Variants in ARMC2 observed in about 807,000 individuals in gnomAD.
ARMC2 encodes the protein armadillo repeat-containing protein 2.
ARMC2 carries 67 observed loss-of-function variants against 90.3 expected under a neutral mutation model. The observed-to-expected ratio is 0.74, with a 90% CI of 0.61 to 0.91. The LOEUF (loss-of-function observed/expected upper bound fraction) is 0.91, where lower values mean the gene tolerates loss of function less well. ARMC2 is among the 40% of genes least tolerant of loss of function. ARMC2 has a pLI of 0.00. For synonymous variants in ARMC2, 393 were observed against 393.0 expected, an observed-to-expected ratio of 1.00 and a Z score of 0.00; for missense variants, 920 against 1,030.9, an observed-to-expected ratio of 0.89 and a Z score of 1.47.
At chr6:108,916,694 G>A (rs1234879793) in intron 10 of ARMC2, among the ~76,000 whole-genome samples, 1 of 152,176 alleles carries the variant, frequency 6.6e-6, no homozygotes, top group Non-Finnish European at 1.5e-5. Flanking sequence ...GATGGAAAGA[G>A]GGACTTGTCA....
intron 5 of ARMC2, 52 bp from the exon 6 acceptor site, chr6:108,894,415 A>G (rs901997850): frequency 6.7e-7 from 1 of 1,495,850 alleles, no homozygotes; most frequent in African/African-American, 1.4e-5. Flanking sequence ...GTCATTTACA[A>G]AATTAGAAGT....
chr6:108,983,297 CT>C, the ARMC2 span, among the ~76,000 whole-genome samples: 1 of 152,130 alleles, frequency 6.6e-6, no homozygotes, highest in Non-Finnish European at 1.5e-5. Flanking sequence ...TTCCAATGGT[CT>C]TTTTTTCTTT....
At position 108,869,097 on chromosome 6, in the gene ARMC2, T is replaced by C. The variant is rs1582962919; in HGVS notation, c.463+102T>C. 7 of 1,276,082 alleles carry C rather than the reference T, an allele frequency of 5.5e-6. No homozygotes were observed. The East Asian group carries it at 1.7e-4, about 32-fold the overall frequency. The allele number at this position is 1,276,082 out of a possible 1,614,324, so 79.0% of individuals were successfully genotyped here. ...TGATTTTTCCTAACCCTGGATGATT[T>C]TTATATTAACTAAGATTAGTTAATA... is the stretch of plus-strand genomic sequence containing the variant. On this transcript the variant is annotated intron_variant, in intron 4 of 17. Coordinates refer to ENST00000392644, the MANE Select transcript of ARMC2 (RefSeq NM_032131.6).
Position 108,854,237 on chromosome 6 carries a change from A to G in ARMC2, c.-31A>G, listed in dbSNP as rs757553381. On this transcript the variant is annotated 5_prime_UTR_variant, in exon 2 of 18. Coordinates refer to ENST00000392644, the MANE Select transcript of ARMC2 (RefSeq NM_032131.6). ...CATGTATTTGCAGGGTGTGGTGTCT[A>G]TCTGAAGAATATTTTACTTTCAAAG... 1 of 1,519,656 alleles carries G rather than the reference A, an allele frequency of 6.6e-7. No individual in the cohort carries two copies. Among genetic ancestry groups the G allele is most frequent in the Non-Finnish European group, 9.0e-7 (1 of 1,114,936 alleles). The allele number at this position is 1,519,656 out of a possible 1,614,324, so 94.1% of individuals were successfully genotyped here.
chr6:108,964,697 C>G (rs1375432464), intron 16 of ARMC2, among the ~76,000 whole-genome samples: 1 of 151,924 alleles, frequency 6.6e-6, no homozygotes, highest in Non-Finnish European at 1.5e-5. Flanking sequence ...TCGCTTGAAT[C>G]CGGGATACAG....
chr6:108,991,076 C>A, the ARMC2 span, among the ~76,000 whole-genome samples: 1,270 of 125,464 alleles, frequency 0.01, 29 homozygotes, highest in African/African-American at 0.025. Context: ...CAAAAAAAAA[C>A]AACAACAAAA....
the ARMC2 span, among the ~76,000 whole-genome samples, chr6:109,010,073 CGTAAAAGCTAT>C: frequency 1.3e-5 from 2 of 152,156 alleles, no homozygotes; most frequent in Non-Finnish European, 2.9e-5. Flanking sequence ...TGCTAAGCTA[CGTAAAAGCTAT>C]AAATATCACT....
chr6:108,920,342 G>C (rs1279335902), intron 10 of ARMC2, among the ~76,000 whole-genome samples: 1 of 151,876 alleles, frequency 6.6e-6, no homozygotes, highest in Admixed American at 6.6e-5. Context: ...GGCACGTGCC[G>C]CCACTTTTTT....
the ARMC2 span, among the ~76,000 whole-genome samples, chr6:108,983,838 G>C: frequency 1.3e-5 from 2 of 152,232 alleles, no homozygotes; most frequent in Non-Finnish European, 2.9e-5. Flanking sequence ...GGGTGACCAT[G>C]AGATGTCTTT....
chr6:108,864,243 TTTTTC>T (rs1318629444), intron 3 of ARMC2, among the ~76,000 whole-genome samples: 28 of 129,022 alleles, frequency 2.2e-4, no homozygotes, highest in African/African-American at 7.8e-4. Flanking sequence ...GTGTGATTTT[TTTTTC>T]TTTTCTTTTT....
chr6:108,987,542 C>T, the ARMC2 span: 1 of 1,537,728 alleles, frequency 6.5e-7, no homozygotes, highest in Non-Finnish European at 9.0e-7. Flanking sequence ...GAAGGAAAGG[C>T]ATCAGGTCAT....
At chr6:108,978,801 A>C (rs183534208), downstream of ARMC2, among the ~76,000 whole-genome samples, 156 of 150,134 alleles carry the variant, frequency 1.0e-3, no homozygotes, top group African/African-American at 3.6e-3. Flanking sequence ...GTTTTATCAG[A>C]GGGTAGGATT....
chr6:108,929,121 A>G (rs1034288267), intron 11 of ARMC2, among the ~76,000 whole-genome samples: 2 of 152,090 alleles, frequency 1.3e-5, no homozygotes, highest in Non-Finnish European at 2.9e-5. Flanking sequence ...GTGGTTCTTC[A>G]GCCCCAGCCC....
rs1485915781 is a variant in ARMC2, at chr6:108,936,996, G to A, written c.1593G>A (p.Lys531=). Residue 531 remains lysine, a synonymous_variant, in exon 12 of 18, where the codon AAG becomes AAA. Transcript: ENST00000392644. ...ATCTAATTAACAAATACCAGAAGAA[G>A]CAGGTCAGTTCTTCATTCATTTAAT... ...FLNLINKYQK[K]QDLVVRVVFI... 6.3e-7 allele frequency: 1 copy of A among 1,585,048 alleles called. No individual in the cohort carries two copies. The highest frequency in any genetic ancestry group is 8.6e-7 in the Non-Finnish European group (1 of 1,163,690).
chr6:108,858,097 T>A, intron 2 of ARMC2, 102 bp from the exon 3 acceptor site: 1 of 821,756 alleles, frequency 1.2e-6, no homozygotes, highest in Non-Finnish European at 1.9e-6. Flanking sequence ...GTTTATGCAT[T>A]GCATCCTTTT....
In ARMC2 at chr6:108,928,152, G is replaced by C; in HGVS notation, c.1415G>C (p.Ser472Thr). 1 of 1,613,560 alleles carries C rather than the reference G, an allele frequency of 6.2e-7. No individual in the cohort carries two copies. ...SLVRSKFLNISALPQLCTAME... is the reference protein window; with the variant it reads ...SLVRSKFLNITALPQLCTAME... ...GTAAGAAGTAAGTTCCTAAACATCAGTGCCCTTCCCCAGCTCTGCACGGCA... is the reference window on the plus strand; with the variant it reads ...GTAAGAAGTAAGTTCCTAAACATCACTGCCCTTCCCCAGCTCTGCACGGCA... The change falls in exon 11 of 18, where the codon AGT (serine) becomes ACT (threonine). Residue 472 changes from serine (S) to threonine (T), a missense_variant. Ser to Thr is a moderately conservative substitution (Grantham distance 58, BLOSUM62 1). Transcript: ENST00000392644.
chr6:108,906,287 T>G (rs945303938), intron 8 of ARMC2, among the ~76,000 whole-genome samples: 9 of 152,152 alleles, frequency 5.9e-5, no homozygotes, highest in Non-Finnish European at 1.3e-4. Context: ...TAGCGCCCTA[T>G]GTACAGGGTA....
chr6:108,864,088 T>C (rs1432923706), intron 3 of ARMC2, among the ~76,000 whole-genome samples: 2 of 152,298 alleles, frequency 1.3e-5, no homozygotes, highest in East Asian at 3.9e-4. Flanking sequence ...CAGTGTTTTT[T>C]CTTTCACAAT....
intron 8 of ARMC2, among the ~76,000 whole-genome samples, chr6:108,907,034 C>T (rs188620623): frequency 7.2e-5 from 11 of 152,262 alleles, no homozygotes; most frequent in Middle Eastern, 3.4e-3. Flanking sequence ...CATAATTTTA[C>T]GGTTAACAAT....
Sources: allele counts gnomAD v4.1 joint callset (sites outside exome capture counted in the v4.1 genomes callset), GRCh38; gene constraint gnomAD v4.1.1; transcripts MANE v1.5; gene names NCBI Gene and HGNC (gene_info 2026-07-23, HGNC 2026-07-21).